TAF1: variants seen among roughly 807,000 people sequenced by gnomAD.
The protein encoded by TAF1 is transcription initiation factor TFIID subunit 1.
Under a neutral mutation model 138.5 loss-of-function variants are expected in TAF1, and 2 were observed. The observed-to-expected ratio is 0.01, with a 90% CI of 0.01 to 0.05. The LOEUF is 0.05. Among genes scored for constraint, TAF1 ranks in the 10% least tolerant of loss-of-function variants. The pLI, the probability that TAF1 is intolerant of heterozygous loss-of-function variation, is 1.00. For missense variants in TAF1, 709 were observed against 1,478.0 expected, an observed-to-expected ratio of 0.48 and a Z score of 8.53; for synonymous variants, 437 against 503.2, an observed-to-expected ratio of 0.87 and a Z score of 1.76.
intron 28 of TAF1, 22 bp from the exon 29 acceptor site, chrX:71,421,287 A>T (rs1360777659): frequency 4.2e-6 from 5 of 1,196,763 alleles, no homozygotes; most frequent in Middle Eastern, 2.3e-4. Flanking sequence ...TAGTGGTTTC[A>T]TCTCTTTCTG....
intron 28 of TAF1, among the ~76,000 whole-genome samples, chrX:71,412,639 G>A (rs979179493): frequency 1.8e-4 from 20 of 112,122 alleles, no homozygotes; most frequent in Admixed American, 1.4e-3. Flanking sequence ...CCAGGCCGGA[G>A]TGCAGTGGCA....
intron 20 of TAF1, 35 bp from the exon 21 acceptor site, chrX:71,393,256 GTGTGTGTGTA>G: frequency 8.7e-7 from 1 of 1,146,229 alleles, no homozygotes; most frequent in South Asian, 2.0e-5. Flanking sequence ...GTGTGTGTGT[GTGTGTGTGTA>G]TATTTATATT....
At chrX:71,381,652 A>G (rs1259168981) in intron 8 of TAF1, 91 bp from the exon 9 acceptor site, 3 of 1,012,415 alleles carry the variant, frequency 3.0e-6, no homozygotes, top group East Asian at 6.2e-5. Flanking sequence ...CTCTACTAAC[A>G]TGAGTAACTC....
In TAF1 at chrX:71,518,788, C is replaced by T. The variant is rs757828641; in HGVS notation, c.1367-9754C>T. Among the ~76,000 whole-genome samples the T allele has an allele frequency of 1.1e-4, 11 of 100,850 alleles. No individual in the cohort carries two copies. The East Asian group carries it at 2.3e-3, about 21-fold the overall frequency. The allele number at this position is 100,850 out of a possible 115,157, so 87.6% of individuals were successfully genotyped here. A position where few individuals can be genotyped will look rare whatever the true frequency, so the allele number is the denominator to read the frequency against. On this transcript the variant is annotated intron_variant and NMD_transcript_variant, in intron 13 of 14. Coordinates refer to the TAF1 transcript ENST00000373775. ...TCGGCTCATTGCAACCTTCGCCTCC[C>T]GGGTTCAAACAATTCTCCTGCCTCA...
chrX:71,513,922 C>T (rs1041777184), intron 13 of TAF1, among the ~76,000 whole-genome samples: 4 of 111,171 alleles, frequency 3.6e-5, no homozygotes, highest in African/African-American at 9.8e-5. Flanking sequence ...CCAACCAGCA[C>T]TCTGTAAAAT....
intron 3 of TAF1, among the ~76,000 whole-genome samples, chrX:71,371,088 C>T (rs1281775111): frequency 9.0e-6 from 1 of 111,498 alleles, no homozygotes; most frequent in Non-Finnish European, 1.9e-5. Context: ...GTTATAATTT[C>T]CAGGTTTGTG....
intron 32 of TAF1, among the ~76,000 whole-genome samples, chrX:71,453,208 C>CA (rs1417800274): frequency 9.0e-6 from 1 of 111,561 alleles, no homozygotes; most frequent in Non-Finnish European, 1.9e-5. Flanking sequence ...GCAGAAGTTA[C>CA]AGAGAGTTCC....
intron 13 of TAF1, among the ~76,000 whole-genome samples, chrX:71,522,906 A>T (rs2039928100): frequency 9.5e-6 from 1 of 105,605 alleles, no homozygotes; most frequent in South Asian, 4.3e-4. Flanking sequence ...ATAAGACTGG[A>T]TGCAGTGGCT....
At chrX:71,508,082 C>A (rs1238312333) in intron 13 of TAF1, among the ~76,000 whole-genome samples, 45 of 95,793 alleles carry the variant, frequency 4.7e-4, no homozygotes, top group African/African-American at 1.0e-3. Flanking sequence ...CTCTCTCTCT[C>A]TCTCTATATA....
Position 71,460,678 on chromosome X carries a change from A to G in TAF1, c.5274A>G (p.Ile1758Met). 1 of 1,211,585 alleles carries G rather than the reference A, an allele frequency of 8.3e-7. No individual in the cohort carries two copies. Among genetic ancestry groups the G allele is most frequent in the Non-Finnish European group, 1.1e-6 (1 of 895,363 alleles). Residue 1758 changes from isoleucine to methionine, a missense_variant, in exon 37 of 38, where the codon ATA becomes ATG. Transcript: ENST00000423759. ...ACTCTGATGTGGGATCTGGTGGAAT[A>G]AGACCCAAACAACCCCGCATGCTTC... ...GSDSDVGSGG[I>M]RPKQPRMLQE...
chrX:71,372,234 C>G (rs956614667), intron 3 of TAF1, among the ~76,000 whole-genome samples: 1 of 109,523 alleles, frequency 9.1e-6, no homozygotes, highest in Non-Finnish European at 1.9e-5. Flanking sequence ...GAGTTCGAGT[C>G]CAGCCTGACC....
chrX:71,459,841 C>T, intron 36 of TAF1, 133 bp downstream of exon 36: 1 of 1,049,139 alleles, frequency 9.5e-7, no homozygotes, highest in East Asian at 3.2e-5. Context: ...ATTAATAGAC[C>T]TGAGAGTACT....
chrX:71,475,308 A>C (rs2038959138), intron 13 of TAF1, among the ~76,000 whole-genome samples: 1 of 111,791 alleles, frequency 8.9e-6, no homozygotes, highest in South Asian at 3.7e-4. Flanking sequence ...TAGAGGCGTC[A>C]GGCGCAGTGG....
At chrX:71,499,737 G>A (rs762616882) in intron 13 of TAF1, among the ~76,000 whole-genome samples, 84 of 110,936 alleles carry the variant, frequency 7.6e-4, no homozygotes, top group Non-Finnish European at 3.2e-4. Flanking sequence ...CCCTTTCTTC[G>A]GCTGTCATTC....
intron 32 of TAF1, among the ~76,000 whole-genome samples, chrX:71,435,167 T>C (rs751965653): frequency 1.8e-5 from 2 of 112,232 alleles, no homozygotes; most frequent in South Asian, 3.7e-4. Context: ...AGAACATGTG[T>C]CATGAAACCT....
At chrX:71,469,035 G>A (rs1049243573), downstream of TAF1, among the ~76,000 whole-genome samples, 10 of 112,515 alleles carry the variant, frequency 8.9e-5, no homozygotes, top group African/African-American at 3.2e-4. Context: ...GGGTGCGGTG[G>A]CTCACGCCTG....
chrX:71,500,567 G>A (rs868751610), intron 13 of TAF1, among the ~76,000 whole-genome samples: 630 of 40,632 alleles, frequency 0.016, 10 homozygotes, highest in African/African-American at 0.056. Flanking sequence ...CCAAGAACCC[G>A]CAACGGCCCC....
At chrX:71,517,576 A>G (rs752840240) in intron 13 of TAF1, among the ~76,000 whole-genome samples, 9 of 112,047 alleles carry the variant, frequency 8.0e-5, no homozygotes, top group African/African-American at 1.9e-4. Flanking sequence ...CAGCAAGAAT[A>G]TGGGAACTTC....
intron 37 of TAF1, among the ~76,000 whole-genome samples, chrX:71,463,309 TAAAC>T (rs752332159): frequency 2.1e-4 from 23 of 110,487 alleles, no homozygotes; most frequent in Non-Finnish European, 3.0e-4. Flanking sequence ...AAATTAAGAA[TAAAC>T]AAACAAACAA....
Sources: gnomAD v4.1 joint callset for allele counts (sites outside exome capture counted in the v4.1 genomes callset) on GRCh38, gnomAD v4.1.1 for gene constraint, MANE v1.5 for transcripts, NCBI Gene and HGNC (gene_info 2026-07-23, HGNC 2026-07-21) for gene names.